RTN4RL2: variants seen among roughly 807,000 people sequenced by gnomAD.
The protein encoded by RTN4RL2 is reticulon-4 receptor-like 2.
RTN4RL2 carries 9 observed loss-of-function variants against 27.8 expected under a neutral mutation model. That is an observed-to-expected ratio of 0.32 (90% confidence interval 0.20 to 0.57). The LOEUF is 0.57. RTN4RL2 is among the 20% of genes least tolerant of loss of function. The probability of loss-of-function intolerance (pLI) is 0.90; values close to 1 mark genes in which losing one functional copy is unlikely to be tolerated. For missense variants in RTN4RL2, 436 were observed against 596.8 expected, an observed-to-expected ratio of 0.73 and a Z score of 2.81; for synonymous variants, 285 against 297.9, an observed-to-expected ratio of 0.96 and a Z score of 0.45.
rs766544759 is a variant in RTN4RL2 at position 57,476,189 on chromosome 11, C to T, written c.541C>T (p.Leu181=). ...TGACTTGTTCGCGGACCTGGCCAAC[C>T]TGAGCCACCTCTTCCTCCACGGGAA... ...QDDLFADLAN[L]SHLFLHGNRL... is the part of the protein sequence containing the mutation. Residue 181 remains leucine, a synonymous_variant, in exon 3 of 3, where the codon CTG becomes TTG. Transcript: ENST00000335099. The surrounding 1 kb of genome is among the most constrained non-coding windows in gnomAD (Gnocchi z 8.2). 6.2e-7 allele frequency: 1 copy of T among 1,609,490 alleles called. No individual in the cohort carries two copies.
At chr11:57,470,740 A>G (rs1046560974) in intron 2 of RTN4RL2, among the ~76,000 whole-genome samples, 1 of 152,182 alleles carries the variant, frequency 6.6e-6, no homozygotes, top group Non-Finnish European at 1.5e-5. Context: ...CCTTATCAAT[A>G]TATATTAGTT....
chr11:57,476,815 C>T lies in RTN4RL2; in HGVS notation c.1167C>T (p.Ala389=). The T allele has an allele frequency of 6.5e-7, 1 of 1,547,614 alleles. No individual in the cohort carries two copies. Residue 389 remains alanine, a synonymous_variant, in exon 3 of 3, where the codon GCC becomes GCT. Coordinates refer to ENST00000335099, the MANE Select transcript of RTN4RL2 (RefSeq NM_178570.3). The surrounding 1 kb of genome is among the most constrained non-coding windows in gnomAD (Gnocchi z 8.2). Reference sequence around the variant, plus strand: ...GGGAGCAGATGTGCCCCGGCGCTGCCTGCCAGGCGCCCCCGGACTCCCGAG... The same window carrying T: ...GGGAGCAGATGTGCCCCGGCGCTGCTTGCCAGGCGCCCCCGGACTCCCGAG... ...QRGEQMCPGA[A]CQAPPDSRGP...
chr11:57,475,102 T>A (rs371878975), intron 2 of RTN4RL2, among the ~76,000 whole-genome samples: 1 of 152,194 alleles, frequency 6.6e-6, no homozygotes, highest in Non-Finnish European at 1.5e-5. Flanking sequence ...CCTATTGTCA[T>A]AGTAGCCACC....
intron 1 of RTN4RL2, among the ~76,000 whole-genome samples, chr11:57,464,007 T>C (rs1182842377): frequency 6.6e-6 from 1 of 152,198 alleles, no homozygotes; most frequent in East Asian, 1.9e-4. Flanking sequence ...TACAGCTGCT[T>C]TGCACGGCAG....
intron 1 of RTN4RL2, among the ~76,000 whole-genome samples, chr11:57,464,432 G>C (rs1487597770): frequency 6.6e-6 from 1 of 152,220 alleles, no homozygotes; most frequent in Non-Finnish European, 1.5e-5. Context: ...CGGCCATCAG[G>C]GCTCACACTC....
Position 57,467,578 on chromosome 11 carries a change from A to G in RTN4RL2, c.32-31A>G. On this transcript the variant is annotated intron_variant, in intron 1 of 2. Coordinates refer to ENST00000335099, the MANE Select transcript of RTN4RL2 (RefSeq NM_178570.3). This position sits in a 1 kb window ranked among gnomAD's most constrained non-coding sequence, Gnocchi z 5.5. ...GCTGGCACTCCTGCCCTGGAAGCCC[A>G]CCTAGTAAGTTCTGCTTCCCCTCCC... 6.4e-7 allele frequency: 1 copy of G among 1,571,836 alleles called. No individual in the cohort carries two copies. The highest frequency in any genetic ancestry group is 8.6e-7 in the Non-Finnish European group (1 of 1,159,124).
At chr11:57,471,114 T>C (rs1943560464) in intron 2 of RTN4RL2, among the ~76,000 whole-genome samples, 1 of 151,954 alleles carries the variant, frequency 6.6e-6, no homozygotes, top group Admixed American at 6.6e-5. Context: ...CAGGTGTCTG[T>C]AATCCCAGCC....
intron 2 of RTN4RL2, among the ~76,000 whole-genome samples, chr11:57,469,899 T>A (rs1216947965): frequency 6.6e-6 from 1 of 152,188 alleles, no homozygotes; most frequent in African/African-American, 2.4e-5. Flanking sequence ...CAATCATAAA[T>A]CTTTTCAACC....
chr11:57,474,318 C>T (rs1943583093), intron 2 of RTN4RL2, among the ~76,000 whole-genome samples: 1 of 151,996 alleles, frequency 6.6e-6, no homozygotes, highest in Non-Finnish European at 1.5e-5. Context: ...GCGAAGAGGG[C>T]GGAAGCCAGA....
intron 2 of RTN4RL2, 114 bp downstream of exon 2, chr11:57,468,204 G>A: frequency 9.2e-7 from 1 of 1,089,760 alleles, no homozygotes; most frequent in Non-Finnish European, 1.3e-6. Context: ...CACCCTTCCT[G>A]CCTCAGCATC....
At position 57,476,527 on chromosome 11, in the gene RTN4RL2, G is replaced by A. The variant is rs749905673; in HGVS notation, c.879G>A (p.Glu293=). 15 of 1,448,454 alleles carry A rather than the reference G, an allele frequency of 1.0e-5. No homozygotes were observed. In the African/African-American group the frequency reaches 1.5e-4, roughly 14 times the overall value. The allele number at this position is 1,448,454 out of a possible 1,614,324, so 89.7% of individuals were successfully genotyped here. A position where few individuals can be genotyped will look rare whatever the true frequency, so the allele number is the denominator to read the frequency against. ...ACGTGACCTGCGCCACCCCCCCGGA[G>A]CGCCAGGGCCGAGACCTGCGCGCGC... The part of the protein sequence containing the change: ...SSDVTCATPP[E]RQGRDLRALR... The change falls in exon 3 of 3, where the codon GAG becomes GAA. Residue 293 remains glutamate, a synonymous_variant. Transcript: ENST00000335099. The surrounding 1 kb of genome is among the most constrained non-coding windows in gnomAD (Gnocchi z 8.2).
chr11:57,467,644 G>T lies in RTN4RL2; in HGVS notation c.67G>T (p.Ala23Ser). The T allele has an allele frequency of 6.2e-7, 1 of 1,610,174 alleles. No individual in the cohort carries two copies. The change falls in exon 2 of 3, where the codon GCC becomes TCC. Residue 23 changes from alanine to serine, a missense_variant. Around this residue, in one of 3 missense-constraint regions of RTN4RL2, gnomAD observed 365 missense variants for 530.5 expected, o/e 0.69. Transcript: ENST00000335099. This position sits in a 1 kb window ranked among gnomAD's most constrained non-coding sequence, Gnocchi z 5.5. ...ASACLLLMLL[A>S]LPLAAPSCPM... ...GGCCTGCCTCCTGCTGATGCTCCTG[G>T]CCCTGCCCCTGGCGGCCCCCAGCTG...
intron 2 of RTN4RL2, among the ~76,000 whole-genome samples, chr11:57,475,112 C>T (rs543065443): frequency 8.5e-5 from 13 of 152,286 alleles, no homozygotes; most frequent in African/African-American, 3.1e-4. Context: ...TAGTAGCCAC[C>T]ATTTATTGAT....
At position 57,467,908 on chromosome 11, in the gene RTN4RL2, C is replaced by T; in HGVS notation, c.331C>T (p.Leu111=). 1 of 1,614,024 alleles carries T rather than the reference C, an allele frequency of 6.2e-7. No individual in the cohort carries two copies. The highest frequency in any genetic ancestry group is 1.1e-5 in the South Asian group (1 of 91,082). ...TFRHLQALEE[L]DLGDNRHLRS... The stretch of plus-strand genomic sequence containing the variant: ...CCGCCACTTGCAAGCCCTGGAGGAG[C>T]TGGACCTCGGTGACAACCGGCACCT... Residue 111 remains leucine, a synonymous_variant, in exon 2 of 3, where the codon CTG becomes TTG. Transcript: ENST00000335099. The surrounding 1 kb of genome is among the most constrained non-coding windows in gnomAD (Gnocchi z 5.5).
In RTN4RL2 at chr11:57,476,096, C is replaced by G. The variant is rs1011940297; in HGVS notation, c.514-66C>G. The G allele has an allele frequency of 1.3e-6, 2 of 1,491,248 alleles. No individual in the cohort carries two copies. Among genetic ancestry groups the G allele is most frequent in the African/African-American group, 2.8e-5 (2 of 71,742 alleles). 92.4% of individuals were successfully genotyped at this position (1,491,248 alleles called of 1,614,324 possible). On this transcript the variant is annotated intron_variant, in intron 2 of 2. Coordinates refer to ENST00000335099, the MANE Select transcript of RTN4RL2 (RefSeq NM_178570.3). This position sits in a 1 kb window ranked among gnomAD's most constrained non-coding sequence, Gnocchi z 8.2. ...CCCCTTCCCTCCCCCGGCCAAGGCC[C>G]CAGCGGGGTCTGCACCCTACCTCAG...
Position 57,476,802 on chromosome 11 carries a change from GC to G in RTN4RL2, c.1158del (p.Gly387AlafsTer137). On this transcript the variant is annotated frameshift_variant, in exon 3 of 3. Coordinates refer to ENST00000335099, the MANE Select transcript of RTN4RL2 (RefSeq NM_178570.3). LOFTEE classifies it high-confidence loss of function. The surrounding 1 kb of genome is among the most constrained non-coding windows in gnomAD (Gnocchi z 8.2). ...GAGGACCAGCGAGGGGAGCAGATGT[GC>G]CCCGGCGCTGCCTGCCAGGCGCCCC... ...GGEDQRGEQM[C>X]PGAACQAPPD... 6.5e-7 allele frequency: 1 copy of G among 1,536,780 alleles called. No individual in the cohort carries two copies.
At chr11:57,465,785 C>T (rs1206874763) in intron 1 of RTN4RL2, among the ~76,000 whole-genome samples, 1 of 151,880 alleles carries the variant, frequency 6.6e-6, no homozygotes, top group East Asian at 1.9e-4. Flanking sequence ...GCTCTCTGGG[C>T]CTGCTTTTCC....
intron 2 of RTN4RL2, among the ~76,000 whole-genome samples, chr11:57,470,089 G>T (rs74730145): frequency 0.041 from 6,198 of 152,204 alleles, 434 homozygotes; most frequent in African/African-American, 0.14. Context: ...GTACTCTGGA[G>T]TACAATTGAG....
At chr11:57,473,624 G>C (rs1298178314) in intron 2 of RTN4RL2, among the ~76,000 whole-genome samples, 1 of 151,666 alleles carries the variant, frequency 6.6e-6, no homozygotes, top group Non-Finnish European at 1.5e-5. Context: ...GGCTGTGAAA[G>C]TCAAGAGCTT....
Sources: allele counts gnomAD v4.1 joint callset (sites outside exome capture counted in the v4.1 genomes callset), GRCh38; gene constraint gnomAD v4.1.1; regional missense constraint gnomAD v4.1.1; non-coding constraint Gnocchi (gnomAD v3.1); transcripts MANE v1.5; gene names NCBI Gene and HGNC (gene_info 2026-07-23, HGNC 2026-07-21).